The following RD3 variants were observed in gnomAD, a reference collection of about 807,000 sequenced individuals.
The protein encoded by RD3 is protein RD3.
Under a neutral mutation model 16.9 loss-of-function variants are expected in RD3, and 11 were observed. The ratio of observed to expected loss-of-function variants is 0.65; its 90% CI spans 0.41 to 1.08. The LOEUF is 1.08. Among genes scored for constraint, RD3 ranks in the 50% least tolerant of loss-of-function variants. The pLI is 0.00. For missense variants in RD3, 274 were observed against 267.4 expected (o/e 1.02, Z -0.17); for synonymous variants, 116 against 114.8 (o/e 1.01, Z -0.07).
At chr1:211,481,839 A>G (rs1322262281) in intron 1 of RD3, among the ~76,000 whole-genome samples, 10 of 152,120 alleles carry the variant, frequency 6.6e-5, no homozygotes, top group Non-Finnish European at 1.2e-4. Context: ...ACACACACAC[A>G]CTCAGAACAG....
chr1:211,488,748 G>A (rs1030776701), intron 1 of RD3, among the ~76,000 whole-genome samples: 2 of 152,116 alleles, frequency 1.3e-5, no homozygotes, highest in African/African-American at 4.8e-5. Flanking sequence ...TGGGAGCCGG[G>A]GTGGGGACAG....
intron 1 of RD3, among the ~76,000 whole-genome samples, chr1:211,490,563 T>A (rs1187140994): frequency 6.6e-6 from 1 of 152,226 alleles, no homozygotes; most frequent in Admixed American, 6.5e-5. Flanking sequence ...GGCAGAGACT[T>A]CTCAGTGGGG....
intron 1 of RD3, among the ~76,000 whole-genome samples, chr1:211,489,751 T>C (rs1200835702): frequency 6.6e-6 from 1 of 152,000 alleles, no homozygotes; most frequent in African/African-American, 2.4e-5. Flanking sequence ...GACCCCAACT[T>C]TGTTCCTGGC....
At chr1:211,485,138 C>T (rs968267142) in intron 1 of RD3, among the ~76,000 whole-genome samples, 1 of 152,158 alleles carries the variant, frequency 6.6e-6, no homozygotes, top group Non-Finnish European at 1.5e-5. Flanking sequence ...GCTTAAGGCT[C>T]CCGACCTGAG....
intron 1 of RD3, among the ~76,000 whole-genome samples, chr1:211,486,150 CA>C (rs111329963): frequency 4.2e-3 from 460 of 108,982 alleles, no homozygotes; most frequent in African/African-American, 6.4e-3. Flanking sequence ...GACCCCATCT[CA>C]AAAAAAAAAA....
rs1705181263 is a variant in RD3, at chr1:211,478,136, G to A, written c.*900C>T. 2 of 398,710 alleles carry A rather than the reference G, an allele frequency of 5.0e-6. No homozygotes were observed. The highest frequency in any genetic ancestry group is 7.1e-5 in the East Asian group (2 of 28,082). 24.7% of individuals were successfully genotyped at this position (398,710 alleles called of 1,614,324 possible). On this transcript the variant is annotated 3_prime_UTR_variant, in exon 3 of 3. Coordinates refer to ENST00000680073, the MANE Select transcript of RD3 (RefSeq NM_001164688.2). ...AATTGAGAAACCTGGGCTCTTTAGGGCAGCATCTGAAGTCCTTGGAGCTGA... is the reference window on the plus strand; with the variant it reads ...AATTGAGAAACCTGGGCTCTTTAGGACAGCATCTGAAGTCCTTGGAGCTGA...
chr1:211,481,356 G>A lies in RD3; in HGVS notation c.60C>T (p.Ser20=). ...GCGTCTCCAGCACCATCTCAGCAGG[G>A]CTCCTGGTGGACAGCCGGGATGGGG... ...NEAPSRLSTR[S]PAEMVLETLM... is the part of the protein sequence containing the mutation. Residue 20 remains serine (S), a synonymous_variant, in exon 2 of 3, where the codon AGC becomes AGT. Transcript: ENST00000680073. 5.6e-6 allele frequency: 9 copies of A among 1,613,944 alleles called. No homozygotes were observed. Among genetic ancestry groups the A allele is most frequent in the South Asian group, 2.2e-5 (2 of 91,068 alleles).
At chr1:211,483,096 G>T (rs1466332090) in intron 1 of RD3, among the ~76,000 whole-genome samples, 1 of 151,944 alleles carries the variant, frequency 6.6e-6, no homozygotes, top group Non-Finnish European at 1.5e-5. Context: ...CTTCTGGAAG[G>T]CCACAGCTAA....
At chr1:211,489,268 T>C (rs1705435564) in intron 1 of RD3, among the ~76,000 whole-genome samples, 8 of 152,168 alleles carry the variant, frequency 5.3e-5, no homozygotes, top group Admixed American at 5.2e-4. Flanking sequence ...AATTCAGGGA[T>C]TTATGAACTT....
chr1:211,478,435 A>T lies in RD3; in HGVS notation c.*601T>A. The T allele has an allele frequency of 2.8e-6, 1 of 357,214 alleles. No individual in the cohort carries two copies. The highest frequency in any genetic ancestry group is 5.0e-6 in the Non-Finnish European group (1 of 200,770). The allele number at this position is 357,214 out of a possible 1,614,324, so 22.1% of individuals were successfully genotyped here. A position where few individuals can be genotyped will look rare whatever the true frequency, so the allele number is the denominator to read the frequency against. ...GTTCATGAGGAGCTGGCTGCAGTTA[A>T]AGGCAGAAGAAGTGTCCCTCTCTGA... On this transcript the variant is annotated 3_prime_UTR_variant, in exon 3 of 3. Coordinates refer to ENST00000680073, the MANE Select transcript of RD3 (RefSeq NM_001164688.2).
Position 211,478,949 on chromosome 1 carries a change from G to A in RD3, c.*87C>T. 1 of 1,310,328 alleles carries A rather than the reference G, an allele frequency of 7.6e-7. No homozygotes were observed. 81.2% of individuals were successfully genotyped at this position (1,310,328 alleles called of 1,614,324 possible). ...TGGGTCTCCTCGTCAGGCCTAGGTGGGGAGGTTCCAGGGCCCGGCGCTCCG... is the reference window on the plus strand; with the variant it reads ...TGGGTCTCCTCGTCAGGCCTAGGTGAGGAGGTTCCAGGGCCCGGCGCTCCG... On this transcript the variant is annotated 3_prime_UTR_variant, in exon 3 of 3. Transcript: ENST00000680073.
chr1:211,481,272 G>A lies in RD3; in HGVS notation c.144C>T (p.Ser48=), dbSNP rs1168542960. The change falls in exon 2 of 3, where the codon AGC becomes AGT. Residue 48 remains serine, a synonymous_variant. Coordinates refer to ENST00000680073, the MANE Select transcript of RD3 (RefSeq NM_001164688.2). ...CGGTGCAGACCTTTCTGACCGCATT[G>A]CTGCGCTCCCGCTGCTGCCTCTCAG... is the stretch of plus-strand genomic sequence containing the variant. ...REAERQQRER[S]NAVRKVCTGV... 1.2e-6 allele frequency: 2 copies of A among 1,614,132 alleles called. No individual in the cohort carries two copies. The highest frequency in any genetic ancestry group is 1.6e-4 in the Middle Eastern group (1 of 6,084).
At position 211,478,890 on chromosome 1, in the gene RD3, T is replaced by A; in HGVS notation, c.*146A>T. 3.2e-4 allele frequency: 208 copies of A among 641,748 alleles called. No individual in the cohort carries two copies. The highest frequency in any genetic ancestry group is 4.9e-4 in the East Asian group (16 of 32,422). 39.8% of individuals were successfully genotyped at this position (641,748 alleles called of 1,614,324 possible). A position where few individuals can be genotyped will look rare whatever the true frequency, so the allele number is the denominator to read the frequency against. On this transcript the variant is annotated 3_prime_UTR_variant, in exon 3 of 3. Coordinates refer to ENST00000680073, the MANE Select transcript of RD3 (RefSeq NM_001164688.2). The stretch of plus-strand genomic sequence containing the variant: ...GAGGATGGGGCAGGGAGTCGCTTCA[T>A]TTTATAGCAGCGTCTTGGGATGGGG...
Position 211,478,773 on chromosome 1 carries a change from A to G in RD3, c.*263T>C. On this transcript the variant is annotated 3_prime_UTR_variant, in exon 3 of 3. Coordinates refer to ENST00000680073, the MANE Select transcript of RD3 (RefSeq NM_001164688.2). ...TGTCTTCCAAAACCTTGAATCTGCC[A>G]GTTAGGGAAGGGGCTGCTCCTGCAG... 1 of 492,770 alleles carries G rather than the reference A, an allele frequency of 2.0e-6. No individual in the cohort carries two copies. The highest frequency in any genetic ancestry group is 3.6e-6 in the Non-Finnish European group (1 of 278,918). 30.5% of individuals were successfully genotyped at this position (492,770 alleles called of 1,614,324 possible).
At position 211,481,359 on chromosome 1, in the gene RD3, C is replaced by T. The variant is rs747688092; in HGVS notation, c.57G>A (p.Arg19=). The change falls in exon 2 of 3, where the codon AGG becomes AGA. Residue 19 remains arginine, a synonymous_variant. Transcript: ENST00000680073. ...WNEAPSRLST[R]SPAEMVLETL... is the part of the protein sequence containing the mutation. ...TCTCCAGCACCATCTCAGCAGGGCT[C>T]CTGGTGGACAGCCGGGATGGGGCCT... The T allele has an allele frequency of 1.1e-5, 18 of 1,613,984 alleles. No individual in the cohort carries two copies. The highest frequency in any genetic ancestry group is 9.9e-5 in the South Asian group (9 of 91,074).
chr1:211,491,575 T>C (rs907006410), intron 1 of RD3, among the ~76,000 whole-genome samples, 193 bp downstream of exon 1: 2 of 152,150 alleles, frequency 1.3e-5, no homozygotes, highest in African/African-American at 2.4e-5. Context: ...CCTGTGGAAC[T>C]GATGAGGACT....
chr1:211,487,384 C>A (rs12057566), intron 1 of RD3, among the ~76,000 whole-genome samples: 1 of 152,158 alleles, frequency 6.6e-6, no homozygotes, highest in Admixed American at 6.5e-5. Flanking sequence ...CCCATGTACG[C>A]GTTTGTGATA....
chr1:211,487,820 G>A (rs1265262755), intron 1 of RD3, among the ~76,000 whole-genome samples: 2 of 152,218 alleles, frequency 1.3e-5, no homozygotes, highest in African/African-American at 2.4e-5. Context: ...CCACTCACTC[G>A]CTCAGCAGAC....
At chr1:211,484,508 G>A (rs916683586) in intron 1 of RD3, among the ~76,000 whole-genome samples, 4 of 152,200 alleles carry the variant, frequency 2.6e-5, no homozygotes, top group Non-Finnish European at 5.9e-5. Flanking sequence ...CGGGAGAAAT[G>A]TGAGAGAAGA....
Sources: allele counts gnomAD v4.1 joint callset (sites outside exome capture counted in the v4.1 genomes callset), GRCh38; gene constraint gnomAD v4.1.1; transcripts MANE v1.5; gene names NCBI Gene and HGNC (gene_info 2026-07-23, HGNC 2026-07-21).